The following MBTPS1 variants were observed in gnomAD, a reference collection of about 807,000 sequenced individuals.
MBTPS1 encodes membrane bound transcription factor peptidase, site 1.
MBTPS1 carries 94 observed loss-of-function variants against 127.8 expected under a neutral mutation model. That is an observed-to-expected ratio of 0.74 (90% confidence interval 0.62 to 0.87). The LOEUF (loss-of-function observed/expected upper bound fraction) is 0.87, where lower values mean the gene tolerates loss of function less well. MBTPS1 is among the 40% of genes least tolerant of loss of function. The pLI is 0.00. For missense variants in MBTPS1, 1,636 were observed against 1,353.2 expected (o/e 1.21, Z -3.28); for synonymous variants, 632 against 509.4 (o/e 1.24, Z -3.24).
At chr16:84,113,955 C>CTT (rs57658435) in intron 1 of MBTPS1, among the ~76,000 whole-genome samples, 122 of 137,070 alleles carry the variant, frequency 8.9e-4, no homozygotes, top group Non-Finnish European at 8.5e-4. Context: ...GGTGTCTTCC[C>CTT]TTTTTTTTTT....
rs62640894 is a variant in MBTPS1 at position 84,068,370 on chromosome 16, G to A, written c.2040C>T (p.Ala680=). ...SMGYFVEVLG[A]PFTCFDASQY... ...GACTGGCATCAAAACACGTGAAGGG[G>A]GCCCCGAGGACCTCTACAAAGTAGC... Residue 680 remains alanine (A), a synonymous_variant, in exon 15 of 23, where the codon GCC becomes GCT. Coordinates refer to ENST00000343411, the MANE Select transcript of MBTPS1 (RefSeq NM_003791.4). 2,452 of 1,614,090 alleles carry A rather than the reference G, an allele frequency of 1.5e-3. 39 individuals are homozygous for A. In the African/African-American group the frequency reaches 0.029, roughly 19 times the overall value.
intron 12 of MBTPS1, among the ~76,000 whole-genome samples, chr16:84,073,552 T>TA (rs1267015904): frequency 2.6e-5 from 4 of 152,140 alleles, no homozygotes; most frequent in Non-Finnish European, 5.9e-5. Context: ...AAAGAATATT[T>TA]AAAAAACAGT....
intron 12 of MBTPS1, among the ~76,000 whole-genome samples, chr16:84,074,009 A>G (rs1597319326): frequency 6.6e-6 from 1 of 152,316 alleles, no homozygotes; most frequent in East Asian, 1.9e-4. Context: ...TCTGTCTCAA[A>G]AAAAAATAAA....
At chr16:84,074,856 C>T in intron 11 of MBTPS1, 115 bp from the exon 12 acceptor site, 1 of 922,204 alleles carries the variant, frequency 1.1e-6, no homozygotes, top group Non-Finnish European at 1.6e-6. Flanking sequence ...GGCTTGCTTA[C>T]AGCGCTGCCC....
intron 12 of MBTPS1, among the ~76,000 whole-genome samples, chr16:84,074,016 T>A (rs537225098): frequency 4.0e-5 from 6 of 151,526 alleles, no homozygotes; most frequent in African/African-American, 1.2e-4. Context: ...CAAAAAAAAA[T>A]AAAGAATGAA....
In MBTPS1 at chr16:84,054,386, G is replaced by C. The variant is rs1020950734; in HGVS notation, c.*63C>G. On this transcript the variant is annotated 3_prime_UTR_variant, in exon 23 of 23. Transcript: ENST00000343411. ...TTAAACCAGCCGCCACCACAGCTCG[G>C]CTCACCCACCAGCGCCGTCCGTGAA... 12 of 1,436,792 alleles carry C rather than the reference G, an allele frequency of 8.4e-6. No homozygotes were observed. The highest frequency in any genetic ancestry group is 1.1e-5 in the Non-Finnish European group (12 of 1,074,642). The allele number at this position is 1,436,792 out of a possible 1,614,324, so 89.0% of individuals were successfully genotyped here.
chr16:84,072,539 C>G (rs1236750582), intron 12 of MBTPS1, among the ~76,000 whole-genome samples: 6 of 152,152 alleles, frequency 3.9e-5, no homozygotes, highest in African/African-American at 1.2e-4. Flanking sequence ...CACCTGTAAT[C>G]CCAGCACTTT....
At position 84,054,370 on chromosome 16, in the gene MBTPS1, C is replaced by G; in HGVS notation, c.*79G>C. On this transcript the variant is annotated 3_prime_UTR_variant, in exon 23 of 23. Transcript: ENST00000343411. ...GGAAACTGGATCCCTTTTAAACCAG[C>G]CGCCACCACAGCTCGGCTCACCCAC... 7.5e-7 allele frequency: 1 copy of G among 1,331,406 alleles called. No individual in the cohort carries two copies. The highest frequency in any genetic ancestry group is 1.0e-6 in the Non-Finnish European group (1 of 992,810). 82.5% of individuals were successfully genotyped at this position (1,331,406 alleles called of 1,614,324 possible).
At chr16:84,080,661 G>T (rs1370143158) in intron 11 of MBTPS1, among the ~76,000 whole-genome samples, 3 of 152,180 alleles carry the variant, frequency 2.0e-5, no homozygotes, top group East Asian at 1.9e-4. Context: ...GGCCCATTCT[G>T]GGGGGACACA....
At chr16:84,074,551 C>G in intron 12 of MBTPS1, 46 bp downstream of exon 12, 1 of 1,598,782 alleles carries the variant, frequency 6.3e-7, no homozygotes, top group Non-Finnish European at 8.5e-7. Context: ...TGGGCTGTGT[C>G]TAAGTTCACC....
intron 15 of MBTPS1, 90 bp downstream of exon 15, chr16:84,068,249 C>T (rs1597312167): frequency 2.2e-6 from 2 of 896,144 alleles, no homozygotes. Context: ...TGGTAGCTAT[C>T]ACTGAAAACT....
At chr16:84,081,596 T>C (rs558507399) in intron 11 of MBTPS1, 151 bp downstream of exon 11, 22 of 494,284 alleles carry the variant, frequency 4.5e-5, no homozygotes, top group African/African-American at 4.1e-4. Flanking sequence ...CAGCACCCTG[T>C]AGAAGCAGCA....
intron 2 of MBTPS1, 66 bp from the exon 3 acceptor site, chr16:84,099,376 T>A: frequency 6.7e-7 from 1 of 1,492,302 alleles, no homozygotes; most frequent in Non-Finnish European, 9.0e-7. Flanking sequence ...TACTATATTG[T>A]ATCTAATCTA....
chr16:84,081,834 G>T lies in MBTPS1; in HGVS notation c.1361C>A (p.Pro454His). Reference sequence around the variant, plus strand: ...GCCTTGCTCAAACATGTTGACCCCGGGGAGCCTCCGGGCTGACGCGATCAG... The same window carrying T: ...GCCTTGCTCAAACATGTTGACCCCGTGGAGCCTCCGGGCTGACGCGATCAG... ...QALIASARRL[P>H]GVNMFEQGHG... The change falls in exon 11 of 23, where the codon CCC (proline) becomes CAC (histidine). Residue 454 changes from proline (P) to histidine (H), a missense_variant. By Grantham distance (77) the Pro-to-His change is moderately conservative. Coordinates refer to ENST00000343411, the MANE Select transcript of MBTPS1 (RefSeq NM_003791.4). 1 of 1,532,994 alleles carries T rather than the reference G, an allele frequency of 6.5e-7. No individual in the cohort carries two copies. Among genetic ancestry groups the T allele is most frequent in the Non-Finnish European group, 8.8e-7 (1 of 1,138,380 alleles). The allele number at this position is 1,532,994 out of a possible 1,614,324, so 95.0% of individuals were successfully genotyped here.
At position 84,077,263 on chromosome 16, in the gene MBTPS1, A is replaced by T. The variant is rs545325527; in HGVS notation, c.1449-2522T>A. The stretch of plus-strand genomic sequence containing the variant: ...AAAAAAAAAAAAAGAGAGAGAGAAA[A>T]GAAAAGAAAGAAAGAAAAGAATACC... On this transcript the variant is annotated intron_variant, in intron 11 of 22. Coordinates refer to ENST00000343411, the MANE Select transcript of MBTPS1 (RefSeq NM_003791.4). Among the ~76,000 whole-genome samples, 82 of 149,746 alleles carry T rather than the reference A, an allele frequency of 5.5e-4. 2 individuals carry two copies. Among genetic ancestry groups the T allele is most frequent in the African/African-American group, 1.8e-3 (76 of 41,164 alleles).
chr16:84,091,727 C>T lies in MBTPS1; in HGVS notation c.963+5G>A, dbSNP rs2086110551. 6.2e-7 allele frequency: 1 copy of T among 1,608,252 alleles called. No individual in the cohort carries two copies. Among genetic ancestry groups the T allele is most frequent in the Admixed American group, 1.7e-5 (1 of 59,980 alleles). On this transcript the variant is annotated splice_donor_5th_base_variant and intron_variant, in intron 7 of 22. Transcript: ENST00000343411. ...CCAAACCCCGTGTGCAGTGACTCCA[C>T]AAACCTTGTCAACAAACGGATGATC...
chr16:84,074,421 G>C (rs1240466562), intron 12 of MBTPS1, among the ~76,000 whole-genome samples, 176 bp downstream of exon 12: 1 of 152,126 alleles, frequency 6.6e-6, no homozygotes, highest in Admixed American at 6.5e-5. Context: ...TATTTGTAGA[G>C]ACAGGTCTCA....
In MBTPS1 at chr16:84,054,272, C is replaced by T. The variant is rs1040180543; in HGVS notation, c.*177G>A. 2.0e-5 allele frequency: 9 copies of T among 461,524 alleles called. No homozygotes were observed. Among genetic ancestry groups the T allele is most frequent in the Middle Eastern group, 2.9e-4 (1 of 3,422 alleles). 28.6% of individuals were successfully genotyped at this position (461,524 alleles called of 1,614,324 possible). On this transcript the variant is annotated 3_prime_UTR_variant, in exon 23 of 23. Coordinates refer to ENST00000343411, the MANE Select transcript of MBTPS1 (RefSeq NM_003791.4). ...CTGACGGGATCCACAGGAATCTTCT[C>T]GATGTACCAGGAGCCTCTGCCCATC...
chr16:84,097,112 T>G (rs747168817), intron 3 of MBTPS1, among the ~76,000 whole-genome samples: 1 of 152,204 alleles, frequency 6.6e-6, no homozygotes, highest in Non-Finnish European at 1.5e-5. Flanking sequence ...AAAAGACAGC[T>G]ATCTTCACCA....
Sources: gnomAD v4.1 joint callset for allele counts (sites outside exome capture counted in the v4.1 genomes callset) on GRCh38, gnomAD v4.1.1 for gene constraint, MANE v1.5 for transcripts, NCBI Gene and HGNC (gene_info 2026-07-23, HGNC 2026-07-21) for gene names.